SNTG1: variants seen among roughly 807,000 people sequenced by gnomAD.
SNTG1 encodes the protein gamma-1-syntrophin.
A neutral mutation model predicts 74.7 loss-of-function variants in SNTG1; 39 were observed. The observed-to-expected ratio is 0.52, with a 90% CI of 0.40 to 0.68. SNTG1 has a LOEUF of 0.68. SNTG1 is among the 30% of genes least tolerant of loss of function. The probability of loss-of-function intolerance (pLI) is 0.00; values close to 1 mark genes in which losing one functional copy is unlikely to be tolerated. For synonymous variants in SNTG1, 254 were observed against 217.1 expected, an observed-to-expected ratio of 1.17 and a Z score of -1.49; for missense variants, 685 against 609.5, an observed-to-expected ratio of 1.12 and a Z score of -1.30.
At chr8:50,149,253 G>A (rs575238437) in intron 1 of SNTG1, among the ~76,000 whole-genome samples, 11 of 152,140 alleles carry the variant, frequency 7.2e-5, no homozygotes, top group East Asian at 5.8e-4. Context: ...TTTTTTTCTC[G>A]TAAATTTGTT....
intron 2 of SNTG1, among the ~76,000 whole-genome samples, chr8:50,299,222 G>A (rs368435997): frequency 1.8e-4 from 28 of 152,110 alleles, no homozygotes; most frequent in African/African-American, 5.6e-4. Flanking sequence ...ACAGGGTTTT[G>A]TTGGTCAACC....
At chr8:50,333,464 T>G (rs185232376) in intron 2 of SNTG1, among the ~76,000 whole-genome samples, 1 of 152,358 alleles carries the variant, frequency 6.6e-6, no homozygotes, top group Non-Finnish European at 1.5e-5. Context: ...AATTCCTAGC[T>G]GAATAACTGG....
intron 2 of SNTG1, among the ~76,000 whole-genome samples, chr8:50,235,099 T>A (rs896908223): frequency 3.3e-5 from 5 of 152,156 alleles, no homozygotes; most frequent in African/African-American, 1.2e-4. Context: ...ACTGGACATA[T>A]ATCAAAAGGA....
intron 4 of SNTG1, among the ~76,000 whole-genome samples, chr8:50,430,842 A>T (rs183674178): frequency 2.0e-5 from 3 of 152,348 alleles, no homozygotes; most frequent in Non-Finnish European, 4.4e-5. Flanking sequence ...GCAGAAATCA[A>T]AATACATTCA....
chr8:49,919,881 T>C (rs969203895), intron 1 of SNTG1, among the ~76,000 whole-genome samples: 2 of 152,094 alleles, frequency 1.3e-5, no homozygotes, highest in Non-Finnish European at 2.9e-5. Flanking sequence ...CTCCCGAAAG[T>C]AGATTAATCT....
chr8:50,615,698 T>TA (rs1440914045), intron 13 of SNTG1, among the ~76,000 whole-genome samples: 2 of 152,134 alleles, frequency 1.3e-5, no homozygotes, highest in East Asian at 3.9e-4. Flanking sequence ...GAACTTAATG[T>TA]AAAGAATTTT....
intron 12 of SNTG1, among the ~76,000 whole-genome samples, chr8:50,561,719 T>C (rs1269094328): frequency 1.3e-5 from 2 of 152,116 alleles, no homozygotes; most frequent in Non-Finnish European, 2.9e-5. Context: ...AGTAAAATAA[T>C]AGATTACGGA....
intron 2 of SNTG1, among the ~76,000 whole-genome samples, chr8:50,360,257 A>G (rs2091921867): frequency 6.6e-6 from 1 of 152,290 alleles, no homozygotes; most frequent in East Asian, 1.9e-4. Context: ...AGTGACAATG[A>G]AACCCACCCC....
rs11988505 is a variant in SNTG1, at chr8:50,341,648, T to C, written c.-27-52564T>C. Among the ~76,000 whole-genome samples, 1,385 of 151,998 alleles carry C rather than the reference T, an allele frequency of 9.1e-3. 26 individuals carry two copies. Among genetic ancestry groups the C allele is most frequent in the African/African-American group, 0.032 (1,315 of 41,520 alleles). On this transcript the variant is annotated intron_variant, in intron 2 of 18. Transcript: ENST00000642720. ...GGGGAGAAAACATTGTAGTAAAAAA[T>C]GTAATCATTTAATTCTGTTTCCCAA...
intron 2 of SNTG1, among the ~76,000 whole-genome samples, chr8:50,370,767 A>G (rs1275689631): frequency 6.6e-6 from 1 of 152,080 alleles, no homozygotes; most frequent in Non-Finnish European, 1.5e-5. Context: ...AGTACAAAGT[A>G]TGACCCATGA....
intron 9 of SNTG1, among the ~76,000 whole-genome samples, chr8:50,509,754 G>A (rs927727515): frequency 4.6e-5 from 7 of 152,204 alleles, no homozygotes; most frequent in African/African-American, 1.4e-4. Context: ...TGTGAGTTTT[G>A]CACATTGATT....
At chr8:50,670,489 T>C (rs373738366) in intron 15 of SNTG1, among the ~76,000 whole-genome samples, 1 of 151,512 alleles carries the variant, frequency 6.6e-6, no homozygotes, top group African/African-American at 2.4e-5. Flanking sequence ...TTACAAGGGA[T>C]GTGAAGGACC....
At chr8:50,105,499 T>G (rs1004887780) in intron 1 of SNTG1, among the ~76,000 whole-genome samples, 30 of 152,186 alleles carry the variant, frequency 2.0e-4, no homozygotes, top group South Asian at 8.3e-4. Context: ...GTTTTGTTTT[T>G]TTTGCTTATT....
chr8:50,771,995 C>G (rs2095628411), intron 18 of SNTG1, among the ~76,000 whole-genome samples: 1 of 151,992 alleles, frequency 6.6e-6, no homozygotes, highest in South Asian at 2.1e-4. Context: ...ACCTGCAGGC[C>G]CAGGCAGAGA....
chr8:50,662,457 C>T (rs1413868446), intron 15 of SNTG1, among the ~76,000 whole-genome samples: 2 of 152,160 alleles, frequency 1.3e-5, no homozygotes, highest in Non-Finnish European at 2.9e-5. Flanking sequence ...TTTACAGCAC[C>T]ACTATCTGTC....
intron 2 of SNTG1, among the ~76,000 whole-genome samples, chr8:50,239,298 A>C (rs1165106176): frequency 6.6e-6 from 1 of 152,186 alleles, no homozygotes; most frequent in Non-Finnish European, 1.5e-5. Flanking sequence ...CTATAAAGAT[A>C]GTACCCAAGA....
intron 18 of SNTG1, among the ~76,000 whole-genome samples, chr8:50,764,697 C>T (rs928638488): frequency 3.9e-5 from 6 of 151,914 alleles, no homozygotes; most frequent in African/African-American, 7.2e-5. Flanking sequence ...ATACAAGCCA[C>T]GTTGTAAACT....
intron 1 of SNTG1, among the ~76,000 whole-genome samples, chr8:49,914,075 A>G (rs1805811294): frequency 6.6e-6 from 1 of 152,210 alleles, no homozygotes; most frequent in South Asian, 2.1e-4. Context: ...ATCTGTAGGG[A>G]AATGTCCTTA....
chr8:50,203,721 T>C (rs1450089873), intron 2 of SNTG1, among the ~76,000 whole-genome samples: 1 of 151,860 alleles, frequency 6.6e-6, no homozygotes, highest in Admixed American at 6.6e-5. Flanking sequence ...GTACTATTAT[T>C]GTCATTGCTA....
Sources: gnomAD v4.1 joint callset for allele counts (sites outside exome capture counted in the v4.1 genomes callset) on GRCh38, gnomAD v4.1.1 for gene constraint, MANE v1.5 for transcripts, NCBI Gene and HGNC (gene_info 2026-07-23, HGNC 2026-07-21) for gene names.